Variants in FER observed in about 807,000 individuals in gnomAD.
The protein encoded by FER is tyrosine-protein kinase Fer.
In FER, 63 loss-of-function variants were observed where a neutral mutation model predicts 111.0. That is an observed-to-expected ratio of 0.57 (90% CI 0.46 to 0.70). FER has a LOEUF of 0.70. FER is among the 30% of genes least tolerant of loss of function. The pLI is 0.00. For synonymous variants in FER, 327 were observed against 313.9 expected (o/e 1.04, Z -0.44); for missense variants, 914 against 954.0 (o/e 0.96, Z 0.55).
At chr5:108,829,985 G>A (rs1245395653) in intron 3 of FER, among the ~76,000 whole-genome samples, 1 of 152,186 alleles carries the variant, frequency 6.6e-6, no homozygotes, top group Non-Finnish European at 1.5e-5. Context: ...GTGAAGGTGA[G>A]GAAGAGCTTC....
At chr5:108,786,080 C>A (rs1027152997) in intron 2 of FER, among the ~76,000 whole-genome samples, 1 of 152,192 alleles carries the variant, frequency 6.6e-6, no homozygotes, top group African/African-American at 2.4e-5. Context: ...TGGAGAGATA[C>A]TCAGCAACAC....
chr5:109,124,963 G>A (rs528140234), intron 17 of FER, among the ~76,000 whole-genome samples: 9 of 148,968 alleles, frequency 6.0e-5, no homozygotes, highest in Non-Finnish European at 1.2e-4. Flanking sequence ...GGAGAATGGC[G>A]TGAACCCAGG....
chr5:108,838,737 T>G (rs1197322903), intron 5 of FER, among the ~76,000 whole-genome samples: 1 of 152,220 alleles, frequency 6.6e-6, no homozygotes, highest in Non-Finnish European at 1.5e-5. Context: ...TCATTTTAAT[T>G]TTCTAAAAAT....
chr5:108,920,208 G>A (rs973807108), intron 10 of FER, among the ~76,000 whole-genome samples: 9 of 151,954 alleles, frequency 5.9e-5, no homozygotes, highest in Admixed American at 6.5e-5. Flanking sequence ...AAAATTAAAT[G>A]CATATAGTTT....
At chr5:109,118,378 C>T (rs1230974965) in intron 17 of FER, among the ~76,000 whole-genome samples, 1 of 152,116 alleles carries the variant, frequency 6.6e-6, no homozygotes, top group Non-Finnish European at 1.5e-5. Flanking sequence ...GGTGGATAAG[C>T]TTTTTGATGT....
intron 13 of FER, among the ~76,000 whole-genome samples, chr5:109,020,801 C>T (rs1767820652): frequency 6.6e-6 from 1 of 151,936 alleles, no homozygotes; most frequent in African/African-American, 2.4e-5. Context: ...AACTAAAGGC[C>T]TTGTACTGAT....
intron 8 of FER, among the ~76,000 whole-genome samples, chr5:108,880,316 G>A (rs1375313566): frequency 6.6e-6 from 1 of 152,134 alleles, no homozygotes. Flanking sequence ...ATTAAATTCA[G>A]CTTTGATGTA....
intron 13 of FER, among the ~76,000 whole-genome samples, chr5:109,022,101 T>G (rs1768005701): frequency 1.3e-5 from 2 of 152,232 alleles, no homozygotes; most frequent in South Asian, 2.1e-4. Flanking sequence ...TTGAGGAGTT[T>G]AAAGTACCTA....
At chr5:108,821,369 A>T (rs1370773642) in intron 3 of FER, among the ~76,000 whole-genome samples, 2 of 152,288 alleles carry the variant, frequency 1.3e-5, no homozygotes, top group South Asian at 4.1e-4. Flanking sequence ...TTTATAGGGG[A>T]AAATTTTTAA....
At chr5:108,843,202 A>G (rs1373957386) in intron 5 of FER, among the ~76,000 whole-genome samples, 1 of 152,214 alleles carries the variant, frequency 6.6e-6, no homozygotes, top group Non-Finnish European at 1.5e-5. Flanking sequence ...ACTTAGAATA[A>G]TAGTCTCCAA....
rs1240815625 is a variant in FER, at chr5:109,190,284, A to AGTT, written c.*2712_*2714dup. ...CCTGTGATTTGTTTAGTAAGAAAAG[A>AGTT]GTTGTAACCAAAATTTCTTCTGGTC... On this transcript the variant is annotated 3_prime_UTR_variant, in exon 20 of 20. Transcript: ENST00000281092. 1 of 152,152 alleles carries AGTT rather than the reference A, an allele frequency of 6.6e-6. No individual in the cohort carries two copies. Among genetic ancestry groups the AGTT allele is most frequent in the African/African-American group, 2.4e-5 (1 of 41,454 alleles). 9.4% of individuals were successfully genotyped at this position (152,152 alleles called of 1,614,324 possible). A position where few individuals can be genotyped will look rare whatever the true frequency, so the allele number is the denominator to read the frequency against.
At chr5:108,941,222 C>T (rs946012353) in intron 10 of FER, among the ~76,000 whole-genome samples, 2 of 152,166 alleles carry the variant, frequency 1.3e-5, no homozygotes. Flanking sequence ...TTGATTTAAA[C>T]TAAAACTGTA....
At chr5:109,076,963 A>C (rs1776415867) in intron 16 of FER, among the ~76,000 whole-genome samples, 1 of 152,206 alleles carries the variant, frequency 6.6e-6, no homozygotes, top group Non-Finnish European at 1.5e-5. Flanking sequence ...GGCCAGAGCC[A>C]ATACACAGAG....
intron 3 of FER, chr5:108,820,389 T>C: frequency 1.1e-5 from 11 of 985,408 alleles, no homozygotes; most frequent in Non-Finnish European, 1.3e-5. Flanking sequence ...TTCTGAAGAA[T>C]AAAGGTGACT....
rs34553897 is a variant in FER at position 109,005,368 on chromosome 5, C to CGT, written c.1657-32035_1657-32034dup. ...GTTGGCAAATGGAAAAAAACTATCCCGTGTGTGTGTGTGTGTGTGTATTTC... is the reference window on the plus strand; with the variant it reads ...GTTGGCAAATGGAAAAAAACTATCCCGTGTGTGTGTGTGTGTGTGTGTATTTC... On this transcript the variant is annotated intron_variant, in intron 13 of 19. Coordinates refer to ENST00000281092, the MANE Select transcript of FER (RefSeq NM_005246.4). 4.7e-3 allele frequency among the ~76,000 whole-genome samples: 708 copies of CGT among 149,700 alleles called. 2 individuals are homozygous for CGT. Among genetic ancestry groups the CGT allele is most frequent in the African/African-American group, 0.011 (457 of 40,972 alleles).
intron 10 of FER, among the ~76,000 whole-genome samples, chr5:108,902,210 C>T (rs1300242368): frequency 6.6e-6 from 1 of 152,090 alleles, no homozygotes; most frequent in Non-Finnish European, 1.5e-5. Flanking sequence ...GAATACACAT[C>T]TTTAGAGCAT....
chr5:109,090,423 C>CA (rs1257797109), intron 16 of FER, among the ~76,000 whole-genome samples: 2 of 151,908 alleles, frequency 1.3e-5, no homozygotes, highest in Admixed American at 6.6e-5. Context: ...ACAAACTTAG[C>CA]AAAAAATCAC....
At chr5:108,763,735 A>G (rs189070927) in intron 1 of FER, among the ~76,000 whole-genome samples, 1 of 152,300 alleles carries the variant, frequency 6.6e-6, no homozygotes, top group Non-Finnish European at 1.5e-5. Context: ...TGGTCAGAAG[A>G]TTCTGTGCAG....
At chr5:109,113,135 A>C (rs1301578059) in intron 17 of FER, among the ~76,000 whole-genome samples, 1 of 152,172 alleles carries the variant, frequency 6.6e-6, no homozygotes, top group East Asian at 1.9e-4. Context: ...ATGATGTCAG[A>C]ATAATACAGA....
Sources: gnomAD v4.1 joint callset for allele counts (sites outside exome capture counted in the v4.1 genomes callset) on GRCh38, gnomAD v4.1.1 for gene constraint, MANE v1.5 for transcripts, NCBI Gene and HGNC (gene_info 2026-07-23, HGNC 2026-07-21) for gene names.